Variants in PRKCE observed in about 807,000 individuals in gnomAD.
PRKCE encodes the protein protein kinase C epsilon.
Under a neutral mutation model 85.4 loss-of-function variants are expected in PRKCE, and 16 were observed. The ratio of observed to expected loss-of-function variants is 0.19; its 90% confidence interval spans 0.13 to 0.28. The LOEUF (loss-of-function observed/expected upper bound fraction) is 0.28, where lower values mean the gene tolerates loss of function less well. PRKCE is among the 10% of genes least tolerant of loss of function. The pLI is 1.00. For missense variants in PRKCE, 573 were observed against 975.2 expected (o/e 0.59, Z 5.49); for synonymous variants, 388 against 371.5 (o/e 1.04, Z -0.51).
chr2:45,914,265 A>C (rs1697591027), intron 2 of PRKCE, among the ~76,000 whole-genome samples: 1 of 152,230 alleles, frequency 6.6e-6, no homozygotes. Flanking sequence ...TAAATGCTGG[A>C]GTGTCTAGAA....
chr2:46,069,191 G>C (rs1667868573), intron 10 of PRKCE, among the ~76,000 whole-genome samples: 1 of 152,182 alleles, frequency 6.6e-6, no homozygotes, highest in Non-Finnish European at 1.5e-5. Context: ...GGGCATTTCA[G>C]AGACTTTCTT....
At chr2:45,761,065 C>A (rs62127171) in intron 1 of PRKCE, among the ~76,000 whole-genome samples, 5 of 151,992 alleles carry the variant, frequency 3.3e-5, no homozygotes, top group Non-Finnish European at 5.9e-5. Context: ...TGGTGGCTCA[C>A]GCCTGTAATC....
chr2:46,036,346 G>A (rs762008966), intron 10 of PRKCE, among the ~76,000 whole-genome samples: 27 of 152,198 alleles, frequency 1.8e-4, no homozygotes, highest in Non-Finnish European at 2.6e-4. Flanking sequence ...GGAGGCTGAG[G>A]CAGGAGGATT....
At chr2:46,032,551 G>A (rs879727623) in intron 10 of PRKCE, among the ~76,000 whole-genome samples, 12 of 152,168 alleles carry the variant, frequency 7.9e-5, no homozygotes, top group East Asian at 3.9e-4. Flanking sequence ...AAAGTCTACC[G>A]TGTTTTTTTT....
intron 11 of PRKCE, among the ~76,000 whole-genome samples, chr2:46,096,340 G>T (rs956585802): frequency 2.0e-5 from 3 of 152,190 alleles, no homozygotes; most frequent in Non-Finnish European, 4.4e-5. Flanking sequence ...TTATTGGTTG[G>T]CTAAACGGAG....
chr2:46,071,468 C>G (rs1030329142), intron 10 of PRKCE, among the ~76,000 whole-genome samples: 13 of 152,166 alleles, frequency 8.5e-5, no homozygotes, highest in African/African-American at 2.9e-4. Flanking sequence ...ATAGGGAAAC[C>G]AGCATTTCCT....
chr2:46,043,559 A>G (rs533772509), intron 10 of PRKCE, among the ~76,000 whole-genome samples: 2 of 152,326 alleles, frequency 1.3e-5, no homozygotes. Context: ...AAGTAATAGA[A>G]ACATCCACCA....
In PRKCE at chr2:45,895,978, G is replaced by A. The variant is rs115263248; in HGVS notation, c.412+52915G>A. Among the ~76,000 whole-genome samples, 300 of 152,332 alleles carry A rather than the reference G, an allele frequency of 2.0e-3. No individual in the cohort carries two copies. The highest frequency in any genetic ancestry group is 6.6e-3 in the African/African-American group (273 of 41,568). Reference sequence around the variant, plus strand: ...CAGATGAAGGAGGGCACTTCAGGTAGAGCGTGGGCACTGCACAATGGTTGT... The same window carrying A: ...CAGATGAAGGAGGGCACTTCAGGTAAAGCGTGGGCACTGCACAATGGTTGT... On this transcript the variant is annotated intron_variant, in intron 2 of 14. Coordinates refer to ENST00000306156, the MANE Select transcript of PRKCE (RefSeq NM_005400.3). This position sits in a 1 kb window ranked among gnomAD's most constrained non-coding sequence, Gnocchi z 4.8.
chr2:46,151,279 C>CGA, intron 13 of PRKCE, 50 bp downstream of exon 13: 11 of 1,010,604 alleles, frequency 1.1e-5, no homozygotes, highest in Admixed American at 2.1e-5. Context: ...GCTCCTCCCC[C>CGA]TACACACACA....
intron 10 of PRKCE, among the ~76,000 whole-genome samples, chr2:46,052,899 G>T (rs190480089): frequency 6.6e-6 from 1 of 152,294 alleles, no homozygotes; most frequent in East Asian, 1.9e-4. Context: ...ACCATTCAAT[G>T]GGAAAAGGAT....
chr2:46,087,831 G>A (rs1669789160), intron 11 of PRKCE, among the ~76,000 whole-genome samples: 1 of 152,180 alleles, frequency 6.6e-6, no homozygotes, highest in Admixed American at 6.5e-5. Flanking sequence ...ATGTGCTTGT[G>A]GGTAGAATTT....
chr2:45,793,217 A>C (rs1284629702), intron 1 of PRKCE, among the ~76,000 whole-genome samples: 1 of 152,196 alleles, frequency 6.6e-6, no homozygotes, highest in Non-Finnish European at 1.5e-5. Flanking sequence ...GCTGCAGAGG[A>C]GCCTTCCTAT....
chr2:45,740,105 C>T (rs1682427731), intron 1 of PRKCE, among the ~76,000 whole-genome samples: 1 of 149,364 alleles, frequency 6.7e-6, no homozygotes, highest in African/African-American at 2.5e-5. Flanking sequence ...TCACTTGAGC[C>T]CAGGAGTTTA....
chr2:45,831,116 A>C (rs1228195939), intron 1 of PRKCE, among the ~76,000 whole-genome samples: 1 of 152,198 alleles, frequency 6.6e-6, no homozygotes, highest in Non-Finnish European at 1.5e-5. Flanking sequence ...GGAAGACTCA[A>C]AGATCTGAGA....
intron 1 of PRKCE, among the ~76,000 whole-genome samples, chr2:45,702,161 C>A (rs1388444996): frequency 2.0e-5 from 3 of 152,056 alleles, no homozygotes; most frequent in Non-Finnish European, 4.4e-5. Context: ...TGCACTCCAG[C>A]CTGGGTGACA....
intron 6 of PRKCE, among the ~76,000 whole-genome samples, chr2:45,986,458 C>T (rs1203876005): frequency 6.6e-6 from 1 of 152,016 alleles, no homozygotes. Flanking sequence ...ATGATGGACA[C>T]CGCCTTCCCC....
At chr2:45,670,292 T>C (rs1676097536) in intron 1 of PRKCE, among the ~76,000 whole-genome samples, 1 of 152,200 alleles carries the variant, frequency 6.6e-6, no homozygotes, top group African/African-American at 2.4e-5. Context: ...CCATTTTTCT[T>C]TCTGAAGGAG....
chr2:45,985,361 A>G (rs1703230807), intron 6 of PRKCE, among the ~76,000 whole-genome samples: 1 of 152,130 alleles, frequency 6.6e-6, no homozygotes, highest in Non-Finnish European at 1.5e-5. Context: ...CATATAACAC[A>G]GGGAGGTGGA....
chr2:45,830,669 G>C (rs1294786763), intron 1 of PRKCE, among the ~76,000 whole-genome samples: 1 of 89,790 alleles, frequency 1.1e-5, no homozygotes, highest in East Asian at 2.7e-4. Flanking sequence ...ATATCACTGT[G>C]GCATTTTAGA....
Sources: allele counts gnomAD v4.1 joint callset (sites outside exome capture counted in the v4.1 genomes callset), GRCh38; gene constraint gnomAD v4.1.1; non-coding constraint Gnocchi (gnomAD v3.1); transcripts MANE v1.5; gene names NCBI Gene and HGNC (gene_info 2026-07-23, HGNC 2026-07-21).